The following SLC5A9 variants were observed in gnomAD, a reference collection of about 807,000 sequenced individuals.
SLC5A9 encodes solute carrier family 5 member 9, also known as sodium/glucose cotransporter 4.
Under a neutral mutation model 70.9 loss-of-function variants are expected in SLC5A9, and 59 were observed. The observed-to-expected ratio is 0.83, with a 90% confidence interval of 0.68 to 1.03. The LOEUF is 1.03. Ranked by LOEUF, SLC5A9 falls within the 50% of genes least tolerant of loss-of-function variation. The pLI, the probability that SLC5A9 is intolerant of heterozygous loss-of-function variation, is 0.00. For missense variants in SLC5A9, 832 were observed against 881.1 expected (o/e 0.94, Z 0.71); for synonymous variants, 340 against 346.5 (o/e 0.98, Z 0.21).
At chr1:48,242,747 G>T in intron 13 of SLC5A9, 131 bp downstream of exon 13, 2 of 862,672 alleles carry the variant, frequency 2.3e-6, no homozygotes, top group South Asian at 4.7e-5. Flanking sequence ...TTCCCACGTG[G>T]CTACTGAACT....
chr1:48,244,768 ATT>A (rs1644433224), intron 13 of SLC5A9, among the ~76,000 whole-genome samples: 1 of 135,696 alleles, frequency 7.4e-6, no homozygotes, highest in African/African-American at 2.7e-5. Context: ...TTATATATAA[ATT>A]ATATTTATAT....
Position 48,247,960 on chromosome 1 carries a change from CT to C in SLC5A9, c.*418del. 1 of 188,012 alleles carries C rather than the reference CT, an allele frequency of 5.3e-6. No homozygotes were observed. The highest frequency in any genetic ancestry group is 1.3e-4 in the East Asian group (1 of 7,914). The allele number at this position is 188,012 out of a possible 1,614,324, so 11.6% of individuals were successfully genotyped here. ...AAGAGCACCTTTGCTCCCCCTTATC[CT>C]CCTTCCTCTTCCCCTTTCTAGTTCC... On this transcript the variant is annotated 3_prime_UTR_variant, in exon 14 of 14. Coordinates refer to ENST00000438567, the MANE Select transcript of SLC5A9 (RefSeq NM_001011547.3).
chr1:48,227,281 GTGTATGTGTGAGAGTGTGTGTGTA>G (rs1557466948), intron 2 of SLC5A9, among the ~76,000 whole-genome samples: 2 of 121,376 alleles, frequency 1.6e-5, no homozygotes, highest in African/African-American at 5.5e-5. Flanking sequence ...GAGTGTGTGT[GTGTATGTGTGAGAGTGTGTGTGTA>G]CTGTGCCTGT....
At position 48,235,767 on chromosome 1, in the gene SLC5A9, C is replaced by G; in HGVS notation, c.1180C>G (p.Leu394Val). The G allele has an allele frequency of 1.2e-6, 2 of 1,614,232 alleles. No individual in the cohort carries two copies. Among genetic ancestry groups the G allele is most frequent in the Non-Finnish European group, 1.7e-6 (2 of 1,180,048 alleles). ...GLMIAVIMAA[L>V]MSSLTSIFNS... ...GATGATTGCCGTGATCATGGCCGCT[C>G]TCATGAGCTCACTCACCTCCATCTT... Residue 394 changes from leucine (L) to valine (V), a missense_variant, in exon 10 of 14, where the codon CTC (leucine) becomes GTC (valine). Transcript: ENST00000438567.
Position 48,239,006 on chromosome 1 carries a change from A to T in SLC5A9, c.1462-316A>T, listed in dbSNP as rs1324190611. Among the ~76,000 whole-genome samples, 5 of 152,140 alleles carry T rather than the reference A, an allele frequency of 3.3e-5. No homozygotes were observed. In the South Asian group the frequency reaches 6.2e-4, roughly 19 times the overall value. Reference sequence around the variant, plus strand: ...TGTTAATTAACTTAGTACTGATTTAATTTTATGAATTTTTAAATTACTGCC... The same window carrying T: ...TGTTAATTAACTTAGTACTGATTTATTTTTATGAATTTTTAAATTACTGCC... On this transcript the variant is annotated intron_variant, in intron 11 of 13. Transcript: ENST00000438567. The surrounding 1 kb of genome is among the most constrained non-coding windows in gnomAD (Gnocchi z 4.2).
At chr1:48,232,549 A>G (rs1321842774) in intron 8 of SLC5A9, 47 bp downstream of exon 8, 1 of 1,608,076 alleles carries the variant, frequency 6.2e-7, no homozygotes, top group Non-Finnish European at 8.5e-7. Flanking sequence ...GAGGCTTTCA[A>G]GGAGTGTCTG....
chr1:48,244,870 GTGTA>G (rs1475063110), intron 13 of SLC5A9, among the ~76,000 whole-genome samples: 144 of 11,190 alleles, frequency 0.013, 15 homozygotes, highest in African/African-American at 0.059. Context: ...GTGTATGTAT[GTGTA>G]TGTGTATATA....
chr1:48,233,979 GGCCCCT>G (rs1346493447), intron 9 of SLC5A9, among the ~76,000 whole-genome samples: 2 of 152,244 alleles, frequency 1.3e-5, no homozygotes, highest in Admixed American at 1.3e-4. Flanking sequence ...ATAAAAGGCA[GGCCCCT>G]GCTCAGGCAT....
chr1:48,247,377 G>A lies in SLC5A9; in HGVS notation c.1880G>A (p.Cys627Tyr). ...GGAAAGTTGCTCTGGAGCTGGTTCT[G>A]TGGGCTCTCTGGAACACCGGAGCAG... Reference protein sequence around the residue: ...SWGKLLWSWFCGLSGTPEQAL... With the variant: ...SWGKLLWSWFYGLSGTPEQAL... The change falls in exon 14 of 14, where the codon TGT becomes TAT. Residue 627 changes from cysteine to tyrosine, a missense_variant. Physicochemically the swap from Cys to Tyr is radical, Grantham distance 194 (BLOSUM62 -2). Transcript: ENST00000438567. 1 of 1,614,070 alleles carries A rather than the reference G, an allele frequency of 6.2e-7. No homozygotes were observed. Among genetic ancestry groups the A allele is most frequent in the Non-Finnish European group, 8.5e-7 (1 of 1,180,014 alleles).
rs752583018 is a variant in SLC5A9 at position 48,239,272 on chromosome 1, G to C, written c.1462-50G>C. On this transcript the variant is annotated intron_variant, in intron 11 of 13. Coordinates refer to ENST00000438567, the MANE Select transcript of SLC5A9 (RefSeq NM_001011547.3). The surrounding 1 kb of genome is among the most constrained non-coding windows in gnomAD (Gnocchi z 4.2). ...GGGAGAGAGTAGTTTTACCTTCCTA[G>C]GGTCTCCCACCTGGATCTCACCTCA... The C allele has an allele frequency of 7.2e-7, 1 of 1,388,918 alleles. No individual in the cohort carries two copies. Among genetic ancestry groups the C allele is most frequent in the Non-Finnish European group, 1.0e-6 (1 of 998,876 alleles). 86.0% of individuals were successfully genotyped at this position (1,388,918 alleles called of 1,614,324 possible). A position where few individuals can be genotyped will look rare whatever the true frequency, so the allele number is the denominator to read the frequency against.
In SLC5A9 at chr1:48,235,860, G is replaced by A. The variant is rs946305975; in HGVS notation, c.1273G>A (p.Glu425Lys). The A allele has an allele frequency of 6.2e-7, 1 of 1,614,160 alleles. No homozygotes were observed. The highest frequency in any genetic ancestry group is 8.5e-7 in the Non-Finnish European group (1 of 1,180,034). Residue 425 changes from glutamate to lysine, a missense_variant, in exon 10 of 14, where the codon GAG (glutamate) becomes AAG (lysine). Glu to Lys is a moderately conservative substitution (Grantham distance 56). Transcript: ENST00000438567. ...QRFRRKSTEQ[E>K]LMVVGRVFVV... Reference sequence around the variant, plus strand: ...CTTCCGCAGGAAGTCAACAGAGCAGGAGCTGATGGTGGTGGGCAGGTGCGC... The same window carrying A: ...CTTCCGCAGGAAGTCAACAGAGCAGAAGCTGATGGTGGTGGGCAGGTGCGC...
chr1:48,225,830 A>G (rs1644138444), intron 2 of SLC5A9, among the ~76,000 whole-genome samples: 1 of 152,114 alleles, frequency 6.6e-6, no homozygotes, highest in Admixed American at 6.5e-5. Flanking sequence ...ACTCACATGC[A>G]GTCTCACACT....
intron 13 of SLC5A9, 45 bp downstream of exon 13, chr1:48,242,661 G>A (rs1557484307): frequency 3.9e-6 from 6 of 1,555,000 alleles, no homozygotes; most frequent in Non-Finnish European, 5.2e-6. Context: ...GAGGAACAGG[G>A]GGGACAGACC....
rs1231793992 is a variant in SLC5A9 at position 48,235,922 on chromosome 1, C to T, written c.1292+43C>T. 8 of 1,612,458 alleles carry T rather than the reference C, an allele frequency of 5.0e-6. No homozygotes were observed. The South Asian group carries it at 8.8e-5, about 18-fold the overall frequency. On this transcript the variant is annotated intron_variant, in intron 10 of 13. Coordinates refer to ENST00000438567, the MANE Select transcript of SLC5A9 (RefSeq NM_001011547.3). ...TCCCTCCTTCCGAAGTGCCCTCTCC[C>T]CTCTGCCCTGCCCTGGGTTACCCTG...
chr1:48,229,452 A>C lies in SLC5A9; in HGVS notation c.497A>C (p.Lys166Thr). ...VLSLILYIFT[K>T]ISTDIFSGAL... ...TCTCTCATCCTCTACATCTTCACCA[A>C]GATCTCGGTAGGTGTCACTGCAATG... Residue 166 changes from lysine (K) to threonine (T), a missense_variant, in exon 4 of 14, where the codon AAG becomes ACG. Lys to Thr is a moderately conservative substitution (Grantham distance 78, BLOSUM62 -1). Transcript: ENST00000438567. 1 of 1,614,032 alleles carries C rather than the reference A, an allele frequency of 6.2e-7. No individual in the cohort carries two copies. Among genetic ancestry groups the C allele is most frequent in the Non-Finnish European group, 8.5e-7 (1 of 1,179,956 alleles).
intron 2 of SLC5A9, among the ~76,000 whole-genome samples, chr1:48,227,454 GA>G: frequency 1.3e-5 from 1 of 76,982 alleles, no homozygotes; most frequent in Non-Finnish European, 3.1e-5. Context: ...GTATGTGTGA[GA>G]GAGTGTGTGT....
chr1:48,229,511 CTGCTGAGTGCATCACCA>C, intron 4 of SLC5A9, 52 bp downstream of exon 4: 1 of 1,600,098 alleles, frequency 6.2e-7, no homozygotes, highest in South Asian at 1.1e-5. Flanking sequence ...AATTAGGGAA[CTGCTGAGTGCATCACCA>C]TGTGCGTGTT....
intron 3 of SLC5A9, 153 bp from the exon 4 acceptor site, chr1:48,229,142 C>T (rs1161722394): frequency 3.1e-6 from 5 of 1,613,894 alleles, no homozygotes; most frequent in African/African-American, 1.3e-5. Context: ...AGGGATCCAT[C>T]CAAGGTCACA....
chr1:48,224,476 C>T (rs1443971635), intron 1 of SLC5A9, among the ~76,000 whole-genome samples: 4 of 152,204 alleles, frequency 2.6e-5, no homozygotes, highest in Admixed American at 6.5e-5. Flanking sequence ...ACGTGACATC[C>T]GTTACCTCCT....
Sources: allele counts gnomAD v4.1 joint callset (sites outside exome capture counted in the v4.1 genomes callset), GRCh38; gene constraint gnomAD v4.1.1; non-coding constraint Gnocchi (gnomAD v3.1); transcripts MANE v1.5; gene names NCBI Gene and HGNC (gene_info 2026-07-23, HGNC 2026-07-21).